PDE10A: variants seen among roughly 807,000 people sequenced by gnomAD.
PDE10A encodes cAMP and cAMP-inhibited cGMP 3',5'-cyclic phosphodiesterase 10A.
In PDE10A, 39 loss-of-function variants were observed where a neutral mutation model predicts 97.7. That is an observed-to-expected ratio of 0.40 (90% CI 0.31 to 0.52). PDE10A has a LOEUF of 0.52. PDE10A is among the 20% of genes least tolerant of loss of function. The pLI, the probability that PDE10A is intolerant of heterozygous loss-of-function variation, is 0.56. For synonymous variants in PDE10A, 371 were observed against 376.8 expected, an observed-to-expected ratio of 0.98 and a Z score of 0.18; for missense variants, 731 against 1,047.8, an observed-to-expected ratio of 0.70 and a Z score of 4.17.
In PDE10A at chr6:165,703,811, T is replaced by C. The variant is rs566770806; in HGVS notation, c.-614-160243A>G. 2.8e-3 allele frequency among the ~76,000 whole-genome samples: 431 copies of C among 152,304 alleles called. 1 individual carries two copies. The highest frequency in any genetic ancestry group is 0.014 in the Middle Eastern group (4 of 294). On this transcript the variant is annotated intron_variant, in intron 1 of 19. Transcript: ENST00000366882. ...CGTCAGTCCCCCCAGTAATCAGCTA[T>C]GGGACAGCCAGGGCCGACAGCCGCC...
In PDE10A at chr6:165,540,054, C is replaced by G. The variant is rs75199179; in HGVS notation, c.994+3386G>C. 4.0e-3 allele frequency among the ~76,000 whole-genome samples: 607 copies of G among 152,270 alleles called. 5 individuals carry two copies. Among genetic ancestry groups the G allele is most frequent in the African/African-American group, 0.014 (572 of 41,556 alleles). On this transcript the variant is annotated intron_variant, in intron 2 of 21. Coordinates refer to ENST00000539869, the MANE Select transcript of PDE10A (RefSeq NM_001385079.1). ...AGAAGCAAATGTAGCGACCCTCAGG[C>G]TATTTCACTTGGAGGTTTAGTATTT...
At chr6:165,641,544 C>CAA (rs3082998) in intron 1 of PDE10A, among the ~76,000 whole-genome samples, 74,670 of 151,956 alleles carry the variant, frequency 0.49, 20,151 homozygotes, top group East Asian at 0.67. Context: ...TGCTGGCTCT[C>CAA]AGAGGCAGAG....
At chr6:165,937,742 G>A (rs1284670849) in intron 1 of PDE10A, among the ~76,000 whole-genome samples, 1 of 152,166 alleles carries the variant, frequency 6.6e-6, no homozygotes, top group Non-Finnish European at 1.5e-5. Context: ...AACCTGTCAA[G>A]AGCAGCAAAT....
At chr6:165,788,404 C>G (rs998311503) in intron 1 of PDE10A, among the ~76,000 whole-genome samples, 1 of 150,564 alleles carries the variant, frequency 6.6e-6, no homozygotes, top group African/African-American at 2.4e-5. Flanking sequence ...GTAATCCCAG[C>G]TACTTGGGAG....
chr6:165,872,170 C>T (rs1051012258), intron 1 of PDE10A, among the ~76,000 whole-genome samples: 4 of 152,186 alleles, frequency 2.6e-5, no homozygotes, highest in Admixed American at 6.5e-5. Flanking sequence ...TCATTTTCCT[C>T]TTAGTCTTAT....
intron 1 of PDE10A, among the ~76,000 whole-genome samples, chr6:165,835,950 TGGA>T (rs1352474956): frequency 1.3e-5 from 2 of 152,214 alleles, no homozygotes; most frequent in Non-Finnish European, 2.9e-5. Context: ...CTCCCCTCTT[TGGA>T]CAAGCTGCTG....
chr6:165,433,032 C>T lies in PDE10A; in HGVS notation c.1433G>A (p.Gly478Asp). Residue 478 changes from glycine to aspartate, a missense_variant, in exon 7 of 22, where the codon GGT becomes GAT. This residue lies in a region of PDE10A where 152 missense variants were observed against 199.3 expected (regional missense o/e 0.76). Transcript: ENST00000539869. ...PIVTAIGDLI[G>D]ILELYRHWGK... ...CCAGTGCCGATACAGCTCGAGAATA[C>T]CAATCAAGTCACCAATTGCAGTGAC... is the stretch of plus-strand genomic sequence containing the variant. 1 of 1,613,876 alleles carries T rather than the reference C, an allele frequency of 6.2e-7. No homozygotes were observed. The highest frequency in any genetic ancestry group is 8.5e-7 in the Non-Finnish European group (1 of 1,179,860).
intron 13 of PDE10A, among the ~76,000 whole-genome samples, chr6:165,405,230 A>G (rs1333183478): frequency 6.6e-6 from 1 of 152,204 alleles, no homozygotes; most frequent in Admixed American, 6.5e-5. Context: ...GTCCTAAGGT[A>G]GGAATACTGA....
chr6:165,982,153 C>T (rs1035665052), intron 1 of PDE10A, among the ~76,000 whole-genome samples: 3 of 152,168 alleles, frequency 2.0e-5, no homozygotes, highest in African/African-American at 7.2e-5. Context: ...GTCACTGTTT[C>T]ATCTGACCAC....
chr6:165,468,061 A>T (rs767601435), intron 3 of PDE10A, among the ~76,000 whole-genome samples: 10 of 152,086 alleles, frequency 6.6e-5, no homozygotes, highest in Non-Finnish European at 1.3e-4. Flanking sequence ...TTTTTTAGCA[A>T]TAAAGCCATA....
chr6:165,923,833 T>A (rs1782834490), intron 1 of PDE10A, among the ~76,000 whole-genome samples: 1 of 152,202 alleles, frequency 6.6e-6, no homozygotes, highest in African/African-American at 2.4e-5. Context: ...AATTCATTTT[T>A]CAGAGAAAAT....
At chr6:165,713,649 A>G (rs991848227) in intron 1 of PDE10A, among the ~76,000 whole-genome samples, 1 of 152,174 alleles carries the variant, frequency 6.6e-6, no homozygotes, top group African/African-American at 2.4e-5. Flanking sequence ...TACCGCAAAC[A>G]CCGATGCTTT....
intron 1 of PDE10A, among the ~76,000 whole-genome samples, chr6:165,728,208 C>T (rs1467323098): frequency 2.0e-5 from 3 of 152,192 alleles, no homozygotes; most frequent in Non-Finnish European, 4.4e-5. Flanking sequence ...GGTAGGGCCC[C>T]TAGTCATGCT....
intron 3 of PDE10A, among the ~76,000 whole-genome samples, chr6:165,480,695 A>G (rs1226809235): frequency 6.6e-6 from 1 of 152,224 alleles, no homozygotes; most frequent in African/African-American, 2.4e-5. Flanking sequence ...ACTAAAGAGC[A>G]TGCCTTCTGT....
intron 21 of PDE10A, among the ~76,000 whole-genome samples, chr6:165,334,252 C>A (rs529902892): frequency 6.6e-6 from 1 of 152,332 alleles, no homozygotes; most frequent in African/African-American, 2.4e-5. Context: ...TCTCAGAGCT[C>A]CACAAGGAAG....
rs140077121 is a variant in PDE10A at position 165,890,507 on chromosome 6, G to C, written c.-615+97022C>G. Among the ~76,000 whole-genome samples, 156 of 152,264 alleles carry C rather than the reference G, an allele frequency of 1.0e-3. 1 individual carries two copies. Among genetic ancestry groups the C allele is most frequent in the African/African-American group, 3.6e-3 (151 of 41,544 alleles). On this transcript the variant is annotated intron_variant, in intron 1 of 19. Coordinates refer to the PDE10A transcript ENST00000366882. ...TGTGTGGACCTCATTAGAAGCTGCT[G>C]AGTTTGTCAGCACCGACTGACCCTC...
At position 165,379,328 on chromosome 6, in the gene PDE10A, A is replaced by G; in HGVS notation, c.2649T>C (p.Ser883=). 2 of 1,613,832 alleles carry G rather than the reference A, an allele frequency of 1.2e-6. No individual in the cohort carries two copies. Among genetic ancestry groups the G allele is most frequent in the Non-Finnish European group, 1.7e-6 (2 of 1,179,864 alleles). Residue 883 remains serine (S), a synonymous_variant, in exon 18 of 22, where the codon AGT becomes AGC. Transcript: ENST00000539869. The part of the protein sequence containing the change: ...GHNIFSTLSS[S]EYEQVLEIIR... ...TGATCTCAAGCACCTGCTCATATTC[A>G]CTGGAGCTCAGAGTGGAGAAGATAT... is the stretch of plus-strand genomic sequence containing the variant.
chr6:165,577,795 GAAACGCCA>G lies in PDE10A; in HGVS notation c.866-34235_866-34228del, dbSNP rs1212866202. ...TTCTGATGACATCATGCCCACCCTA[GAAACGCCA>G]TCCGCCCGCTTCCGGCCTGGGCTTC... is the stretch of plus-strand genomic sequence containing the variant. On this transcript the variant is annotated intron_variant, in intron 1 of 21. Coordinates refer to ENST00000539869, the MANE Select transcript of PDE10A (RefSeq NM_001385079.1). 2.6e-5 allele frequency among the ~76,000 whole-genome samples: 4 copies of G among 152,188 alleles called. No individual in the cohort carries two copies. In the East Asian group the frequency reaches 7.7e-4, roughly 29 times the overall value.
chr6:165,682,738 A>C (rs1791010337), intron 1 of PDE10A, among the ~76,000 whole-genome samples: 1 of 152,170 alleles, frequency 6.6e-6, no homozygotes, highest in Non-Finnish European at 1.5e-5. Context: ...AGTTTATGGC[A>C]CTTTGTTGTA....
Sources: allele counts gnomAD v4.1 joint callset (sites outside exome capture counted in the v4.1 genomes callset), GRCh38; gene constraint gnomAD v4.1.1; regional missense constraint gnomAD v4.1.1; transcripts MANE v1.5; gene names NCBI Gene and HGNC (gene_info 2026-07-23, HGNC 2026-07-21).